Variants in CSMD1 observed in about 807,000 individuals in gnomAD.
CSMD1 encodes the protein CUB and Sushi multiple domains 1.
In CSMD1, 213 loss-of-function variants were observed where a neutral mutation model predicts 417.5. The observed-to-expected ratio is 0.51, with a 90% CI of 0.46 to 0.57. CSMD1 has a LOEUF of 0.57. Ranked by LOEUF, CSMD1 falls within the 20% of genes least tolerant of loss-of-function variation. The pLI is 0.00. For synonymous variants in CSMD1, 2,862 were observed against 1,736.8 expected, an observed-to-expected ratio of 1.65 and a Z score of -16.11; for missense variants, 6,923 against 4,529.7, an observed-to-expected ratio of 1.53 and a Z score of -15.17.
chr8:3,440,355 C>G (rs1040120711), intron 12 of CSMD1, among the ~76,000 whole-genome samples: 8 of 152,078 alleles, frequency 5.3e-5, no homozygotes, highest in African/African-American at 1.9e-4. Context: ...TCTATGAGTC[C>G]TATACATATA....
chr8:3,883,676 A>G (rs562502491), intron 5 of CSMD1, among the ~76,000 whole-genome samples: 15 of 152,172 alleles, frequency 9.9e-5, no homozygotes, highest in Non-Finnish European at 1.9e-4. Context: ...ACTAACTTCT[A>G]TCAATCATGT....
intron 6 of CSMD1, 57 bp from the exon 7 acceptor site, chr8:3,708,548 G>T: frequency 1.4e-6 from 2 of 1,455,508 alleles, no homozygotes; most frequent in Non-Finnish European, 1.9e-6. Context: ...ATAAAACCAT[G>T]TTGTATCCAC....
intron 1 of CSMD1, among the ~76,000 whole-genome samples, chr8:4,977,942 A>G (rs1338325039): frequency 3.3e-5 from 5 of 152,158 alleles, no homozygotes; most frequent in Non-Finnish European, 5.9e-5. Context: ...CTCACAAGCT[A>G]TTTGTTGCTG....
intron 5 of CSMD1, among the ~76,000 whole-genome samples, chr8:3,838,867 T>G (rs1352578626): frequency 4.0e-4 from 46 of 116,068 alleles, no homozygotes; most frequent in Non-Finnish European, 6.9e-4. Context: ...ATACTATTAA[T>G]TATATATAAT....
chr8:4,811,098 T>C (rs2117333365), intron 1 of CSMD1, among the ~76,000 whole-genome samples: 1 of 152,266 alleles, frequency 6.6e-6, no homozygotes, highest in South Asian at 2.1e-4. Flanking sequence ...ATTCTGTAAG[T>C]GGAAAGCATT....
At chr8:3,956,811 G>T (rs1464532000) in intron 5 of CSMD1, among the ~76,000 whole-genome samples, 3 of 152,242 alleles carry the variant, frequency 2.0e-5, no homozygotes, top group African/African-American at 7.2e-5. Context: ...AGGACACCCA[G>T]CCGTTACGGA....
intron 23 of CSMD1, among the ~76,000 whole-genome samples, chr8:3,321,116 G>A (rs1035195292): frequency 1.4e-4 from 21 of 151,942 alleles, no homozygotes; most frequent in African/African-American, 1.9e-4. Flanking sequence ...CCTAGCCACC[G>A]AAGGCGTGCA....
chr8:4,986,562 A>G (rs1457800540), intron 1 of CSMD1, among the ~76,000 whole-genome samples: 2 of 152,202 alleles, frequency 1.3e-5, no homozygotes, highest in Non-Finnish European at 2.9e-5. Context: ...TTTCTTATAT[A>G]ACACGAATGA....
At chr8:4,334,268 G>C (rs1040458392) in intron 3 of CSMD1, among the ~76,000 whole-genome samples, 1 of 152,098 alleles carries the variant, frequency 6.6e-6, no homozygotes, top group African/African-American at 2.4e-5. Context: ...TTAAAAGTAT[G>C]CCTTACACGT....
chr8:4,514,177 G>T (rs867350777), intron 2 of CSMD1, among the ~76,000 whole-genome samples: 1 of 152,256 alleles, frequency 6.6e-6, no homozygotes, highest in Middle Eastern at 3.4e-3. Flanking sequence ...CTTGCAAAAT[G>T]CCACCTTCTT....
chr8:4,481,136 G>A (rs866062901), intron 2 of CSMD1, among the ~76,000 whole-genome samples: 2 of 152,184 alleles, frequency 1.3e-5, no homozygotes, highest in Non-Finnish European at 2.9e-5. Flanking sequence ...CTCAAGGCTT[G>A]AGAGCCACAC....
chr8:3,111,298 T>A (rs189669231), intron 42 of CSMD1, among the ~76,000 whole-genome samples: 1 of 152,320 alleles, frequency 6.6e-6, no homozygotes, highest in Admixed American at 6.5e-5. Context: ...CAGATGTGTA[T>A]TGATTTGAAA....
At chr8:3,567,157 C>T (rs1178503711) in intron 10 of CSMD1, among the ~76,000 whole-genome samples, 1 of 152,110 alleles carries the variant, frequency 6.6e-6, no homozygotes, top group African/African-American at 2.4e-5. Flanking sequence ...CCTTAGCAAA[C>T]TAGCGCAGCA....
At chr8:4,600,093 A>AG (rs1236011628) in intron 2 of CSMD1, among the ~76,000 whole-genome samples, 1 of 152,130 alleles carries the variant, frequency 6.6e-6, no homozygotes, top group Non-Finnish European at 1.5e-5. Flanking sequence ...TTAGGACTAG[A>AG]GGGTGGCAGT....
At chr8:4,397,596 T>C (rs531328585) in intron 3 of CSMD1, among the ~76,000 whole-genome samples, 4 of 139,048 alleles carry the variant, frequency 2.9e-5, no homozygotes, top group African/African-American at 1.1e-4. Flanking sequence ...GTGCAGCACC[T>C]GAGATTCACT....
chr8:4,442,746 T>A (rs565113362), intron 2 of CSMD1, among the ~76,000 whole-genome samples: 29 of 149,042 alleles, frequency 1.9e-4, no homozygotes, highest in Admixed American at 1.9e-3. Context: ...CACTATTTTA[T>A]GTTTGCATAT....
At chr8:4,176,496 C>G (rs1219976810) in intron 3 of CSMD1, among the ~76,000 whole-genome samples, 1 of 152,096 alleles carries the variant, frequency 6.6e-6, no homozygotes, top group Non-Finnish European at 1.5e-5. Context: ...TCACTCACTA[C>G]TGGTTCTATA....
chr8:4,964,704 T>C (rs1409618753), intron 1 of CSMD1, among the ~76,000 whole-genome samples: 1 of 152,088 alleles, frequency 6.6e-6, no homozygotes, highest in Non-Finnish European at 1.5e-5. Context: ...AGAAACTCAG[T>C]TATGGTCACT....
At chr8:4,828,055 A>AT (rs34800449) in intron 1 of CSMD1, among the ~76,000 whole-genome samples, 1,606 of 151,708 alleles carry the variant, frequency 0.011, 27 homozygotes, top group African/African-American at 0.036. Flanking sequence ...GCGTAGTGGG[A>AT]TTTTTTTTTA....
Sources: allele counts gnomAD v4.1 joint callset (sites outside exome capture counted in the v4.1 genomes callset), GRCh38; gene constraint gnomAD v4.1.1; transcripts MANE v1.5; gene names NCBI Gene and HGNC (gene_info 2026-07-23, HGNC 2026-07-21).